NOS1AP: variants seen among roughly 807,000 people sequenced by gnomAD.
NOS1AP encodes the protein nitric oxide synthase 1 adaptor protein.
NOS1AP carries 21 observed loss-of-function variants against 56.2 expected under a neutral mutation model. That is an observed-to-expected ratio of 0.37 (90% CI 0.26 to 0.54). The LOEUF (loss-of-function observed/expected upper bound fraction) is 0.54. Ranked by LOEUF, NOS1AP falls within the 20% of genes least tolerant of loss-of-function variation. The pLI, the probability that NOS1AP is intolerant of heterozygous loss-of-function variation, is 0.84. For synonymous variants in NOS1AP, 270 were observed against 274.6 expected (o/e 0.98, Z 0.17); for missense variants, 522 against 657.8 (o/e 0.79, Z 2.26).
chr1:162,281,828 T>G (rs1654939192), intron 2 of NOS1AP, among the ~76,000 whole-genome samples: 2 of 152,210 alleles, frequency 1.3e-5, no homozygotes, highest in Non-Finnish European at 2.9e-5. Flanking sequence ...GACATAAAAT[T>G]TACCATTTTA....
At chr1:162,235,102 CAG>C (rs1165372632) in intron 2 of NOS1AP, among the ~76,000 whole-genome samples, 5 of 151,832 alleles carry the variant, frequency 3.3e-5, no homozygotes, top group Non-Finnish European at 7.4e-5. Context: ...AAATGTAGTA[CAG>C]AGAGAGAGAA....
At chr1:162,299,121 G>T (rs573371334) in intron 3 of NOS1AP, among the ~76,000 whole-genome samples, 42 of 152,306 alleles carry the variant, frequency 2.8e-4, no homozygotes, top group African/African-American at 9.9e-4. Context: ...CAATATGCAT[G>T]CAGATATTTG....
chr1:162,363,863 A>G, intron 8 of NOS1AP: 1 of 985,410 alleles, frequency 1.0e-6, no homozygotes, highest in Non-Finnish European at 1.2e-6. Flanking sequence ...TTCTGTCCTT[A>G]GCAGCTTTAT....
intron 3 of NOS1AP, among the ~76,000 whole-genome samples, chr1:162,289,292 T>TC (rs1655206689): frequency 7.2e-6 from 1 of 138,048 alleles, no homozygotes; most frequent in African/African-American, 2.7e-5. Flanking sequence ...CTTCCTTCCT[T>TC]CTTCCTTCTT....
intron 5 of NOS1AP, among the ~76,000 whole-genome samples, chr1:162,341,689 A>G (rs1245459044): frequency 1.3e-5 from 2 of 152,206 alleles, no homozygotes; most frequent in African/African-American, 4.8e-5. Context: ...GCTTTGCCGT[A>G]GACGATTAAC....
intron 1 of NOS1AP, among the ~76,000 whole-genome samples, chr1:162,109,250 G>A (rs887311939): frequency 5.9e-5 from 9 of 152,198 alleles, no homozygotes; most frequent in Non-Finnish European, 1.2e-4. Context: ...CAGTTACAGT[G>A]TGTGAACCTT....
intron 2 of NOS1AP, among the ~76,000 whole-genome samples, chr1:162,182,834 G>A (rs912798301): frequency 2.6e-5 from 4 of 152,244 alleles, no homozygotes; most frequent in Admixed American, 6.5e-5. Flanking sequence ...TGCTATTTCT[G>A]TTACATGTGC....
intron 1 of NOS1AP, among the ~76,000 whole-genome samples, chr1:162,145,590 G>A (rs552107729): frequency 3.3e-5 from 5 of 152,116 alleles, no homozygotes; most frequent in Admixed American, 1.3e-4. Flanking sequence ...TCATAATCCC[G>A]CTCAGCAGGA....
chr1:162,232,165 C>G (rs1010112191), intron 2 of NOS1AP, among the ~76,000 whole-genome samples: 1 of 152,148 alleles, frequency 6.6e-6, no homozygotes, highest in Admixed American at 6.5e-5. Context: ...GGGATTGACT[C>G]CAGTTAATTG....
chr1:162,255,084 G>A (rs1461400952), intron 2 of NOS1AP, among the ~76,000 whole-genome samples: 1 of 152,216 alleles, frequency 6.6e-6, no homozygotes, highest in East Asian at 1.9e-4. Context: ...CAGCTTGAAT[G>A]TGCTCATCAG....
chr1:162,226,082 T>C (rs1035319581), intron 2 of NOS1AP, among the ~76,000 whole-genome samples: 1 of 151,560 alleles, frequency 6.6e-6, no homozygotes, highest in African/African-American at 2.4e-5. Flanking sequence ...TCACCTGAGG[T>C]TGGGAGTTCA....
chr1:162,192,906 G>C (rs939059546), intron 2 of NOS1AP, among the ~76,000 whole-genome samples: 1 of 152,004 alleles, frequency 6.6e-6, no homozygotes, highest in African/African-American at 2.4e-5. Flanking sequence ...GGGAGACTTA[G>C]CAAGGGATCT....
intron 1 of NOS1AP, among the ~76,000 whole-genome samples, chr1:162,072,266 C>T (rs377571976): frequency 6.8e-4 from 104 of 152,224 alleles, no homozygotes; most frequent in Admixed American, 4.4e-3. Context: ...TTGGGGGAGC[C>T]CAGGACTATG....
At chr1:162,355,546 AG>A (rs1275172439) in intron 7 of NOS1AP, among the ~76,000 whole-genome samples, 193 bp downstream of exon 7, 1 of 152,212 alleles carries the variant, frequency 6.6e-6, no homozygotes, top group African/African-American at 2.4e-5. Flanking sequence ...GCTGCAGGCC[AG>A]GATGCTGTGG....
chr1:162,332,270 C>G (rs1375371441), intron 4 of NOS1AP, among the ~76,000 whole-genome samples: 1 of 152,176 alleles, frequency 6.6e-6, no homozygotes, highest in Non-Finnish European at 1.5e-5. Flanking sequence ...TCAGTGTGAC[C>G]TCCCTGGCTA....
At chr1:162,185,462 T>A (rs1438470817) in intron 2 of NOS1AP, among the ~76,000 whole-genome samples, 1 of 152,194 alleles carries the variant, frequency 6.6e-6, no homozygotes, top group African/African-American at 2.4e-5. Context: ...TGGTCAATAA[T>A]CTGATGCCTT....
intron 1 of NOS1AP, among the ~76,000 whole-genome samples, chr1:162,106,398 G>A (rs1357810553): frequency 6.6e-6 from 1 of 152,086 alleles, no homozygotes; most frequent in African/African-American, 2.4e-5. Flanking sequence ...TGAGCACCAC[G>A]GACTGGAGCT....
intron 4 of NOS1AP, among the ~76,000 whole-genome samples, chr1:162,303,824 G>T (rs1397886841): frequency 2.0e-5 from 3 of 150,644 alleles, no homozygotes; most frequent in Non-Finnish European, 4.4e-5. Flanking sequence ...TCATAATCTT[G>T]AGAGTTCTTT....
At chr1:162,210,552 G>GA (rs1652317088) in intron 2 of NOS1AP, among the ~76,000 whole-genome samples, 1 of 152,128 alleles carries the variant, frequency 6.6e-6, no homozygotes, top group Non-Finnish European at 1.5e-5. Flanking sequence ...ATCTTTCTGT[G>GA]AAGTCCTTGC....
Sources: gnomAD v4.1 joint callset for allele counts (sites outside exome capture counted in the v4.1 genomes callset) on GRCh38, gnomAD v4.1.1 for gene constraint, MANE v1.5 for transcripts, NCBI Gene and HGNC (gene_info 2026-07-23, HGNC 2026-07-21) for gene names.